USP15: variants seen among roughly 807,000 people sequenced by gnomAD.
The protein encoded by USP15 is ubiquitin specific peptidase 15, also known as ubiquitin carboxyl-terminal hydrolase 15.
A neutral mutation model predicts 127.1 loss-of-function variants in USP15; 18 were observed. The observed-to-expected ratio is 0.14, with a 90% CI of 0.10 to 0.21. The LOEUF (loss-of-function observed/expected upper bound fraction) is 0.21, where lower values mean the gene tolerates loss of function less well. USP15 is among the 10% of genes least tolerant of loss of function. USP15 has a pLI of 1.00. For synonymous variants in USP15, 364 were observed against 393.7 expected (o/e 0.92, Z 0.89); for missense variants, 805 against 1,159.9 (o/e 0.69, Z 4.44).
At position 62,409,016 on chromosome 12, in the gene USP15, GAAAAT is replaced by G. The variant is rs1207762489; in HGVS notation, c.*4648_*4652del. 9.9e-5 allele frequency: 15 copies of G among 151,982 alleles called. No individual in the cohort carries two copies. Among genetic ancestry groups the G allele is most frequent in the African/African-American group, 3.1e-4 (13 of 41,406 alleles). 9.4% of individuals were successfully genotyped at this position (151,982 alleles called of 1,614,324 possible). The stretch of plus-strand genomic sequence containing the variant: ...ATAGGCTTTAAAATATCAGAATTAG[GAAAAT>G]AAAATATAGATGGTAAAAATTCAAA... On this transcript the variant is annotated 3_prime_UTR_variant, in exon 22 of 22. Coordinates refer to ENST00000280377, the MANE Select transcript of USP15 (RefSeq NM_001252078.2).
chr12:62,276,593 A>AT (rs2063497174), intron 1 of USP15, among the ~76,000 whole-genome samples: 1 of 151,846 alleles, frequency 6.6e-6, no homozygotes, highest in South Asian at 2.1e-4. Context: ...AACACTCATT[A>AT]TTTTTCTGGC....
At chr12:62,289,738 T>TGC (rs199809868) in intron 1 of USP15, among the ~76,000 whole-genome samples, 3 of 151,128 alleles carry the variant, frequency 2.0e-5, no homozygotes, top group South Asian at 4.2e-4. Context: ...TGTGTGTGTG[T>TGC]TTAGACAGCA....
rs367800874 is a variant in USP15, at chr12:62,272,198, G to T, written c.89+11695G>T. On this transcript the variant is annotated intron_variant, in intron 1 of 21. Transcript: ENST00000280377. ...TGTTAAATAAGAGAATTAGTCATAA[G>T]AGTGAATTAGTATCCAGAATTGTTT... Among the ~76,000 whole-genome samples, 3 of 151,864 alleles carry T rather than the reference G, an allele frequency of 2.0e-5. No individual in the cohort carries two copies. The East Asian group carries it at 5.8e-4, about 29-fold the overall frequency.
chr12:62,345,507 C>T (rs1211412979), intron 6 of USP15, among the ~76,000 whole-genome samples: 2 of 152,120 alleles, frequency 1.3e-5, no homozygotes, highest in Non-Finnish European at 2.9e-5. Flanking sequence ...CCAGGAAGTT[C>T]CAAACTTTCC....
intron 2 of USP15, 50 bp downstream of exon 2, chr12:62,294,356 A>G: frequency 1.3e-6 from 2 of 1,572,116 alleles, no homozygotes; most frequent in South Asian, 2.5e-5. Context: ...AAATTTCATT[A>G]TATAAATGTC....
chr12:62,345,504 G>C (rs568172455), intron 6 of USP15, among the ~76,000 whole-genome samples: 43 of 152,276 alleles, frequency 2.8e-4, no homozygotes, highest in African/African-American at 9.9e-4. Context: ...TCTCCAGGAA[G>C]TTCCAAACTT....
At chr12:62,374,696 C>A (rs1275268978) in intron 8 of USP15, among the ~76,000 whole-genome samples, 1 of 151,970 alleles carries the variant, frequency 6.6e-6, no homozygotes. Context: ...TAGCAAAATA[C>A]AAAATTGAGA....
chr12:62,310,528 C>T (rs1165961353), intron 3 of USP15, among the ~76,000 whole-genome samples: 3 of 151,796 alleles, frequency 2.0e-5, no homozygotes, highest in South Asian at 4.1e-4. Context: ...TAACGACCTC[C>T]GGCTTCATCC....
intron 1 of USP15, among the ~76,000 whole-genome samples, chr12:62,275,337 A>G (rs1287633951): frequency 2.0e-5 from 3 of 151,964 alleles, no homozygotes; most frequent in Non-Finnish European, 4.4e-5. Flanking sequence ...GAGCAGGGCT[A>G]TGTAATACAT....
rs781782214 is a variant in USP15, at chr12:62,260,468, G to A, written c.54G>A (p.Thr18=). Residue 18 remains threonine, a synonymous_variant, in exon 1 of 22, where the codon ACG becomes ACA. Coordinates refer to ENST00000280377, the MANE Select transcript of USP15 (RefSeq NM_001252078.2). The part of the protein sequence containing the change: ...DLDTQRSDIA[T]LLKTSLRKGD... ...ACACCCAGCGGTCTGACATCGCGAC[G>A]CTGCTCAAAACCTCGCTCCGGAAAG... 7 of 1,552,092 alleles carry A rather than the reference G, an allele frequency of 4.5e-6. No individual in the cohort carries two copies. The South Asian group carries it at 8.3e-5, about 18-fold the overall frequency.
At chr12:62,269,322 G>A (rs2063282707) in intron 1 of USP15, among the ~76,000 whole-genome samples, 2 of 151,702 alleles carry the variant, frequency 1.3e-5, no homozygotes, top group Admixed American at 6.6e-5. Flanking sequence ...ACAATGGTAA[G>A]TATATATATA....
intron 1 of USP15, among the ~76,000 whole-genome samples, chr12:62,275,221 A>C (rs746572721): frequency 6.6e-6 from 1 of 152,094 alleles, no homozygotes; most frequent in Non-Finnish European, 1.5e-5. Flanking sequence ...GACTAATAGG[A>C]ATTGGAAATA....
At chr12:62,344,121 C>T (rs1022311163) in intron 6 of USP15, among the ~76,000 whole-genome samples, 2 of 152,168 alleles carry the variant, frequency 1.3e-5, no homozygotes, top group Non-Finnish European at 2.9e-5. Flanking sequence ...AGTCTCAACT[C>T]ATTTCAGCAT....
intron 11 of USP15, among the ~76,000 whole-genome samples, chr12:62,387,010 C>T (rs2067170106): frequency 6.6e-6 from 1 of 152,128 alleles, no homozygotes; most frequent in African/African-American, 2.4e-5. Flanking sequence ...GACAGCAGTG[C>T]TGTTTTAGTG....
chr12:62,283,160 G>C (rs1370190926), intron 1 of USP15, among the ~76,000 whole-genome samples: 5 of 152,180 alleles, frequency 3.3e-5, no homozygotes, highest in Admixed American at 3.3e-4. Context: ...TTAAGGGGCA[G>C]ATAACCCGTT....
rs935702843 is a variant in USP15 at position 62,409,773 on chromosome 12, C to T, written c.*5398C>T. On this transcript the variant is annotated 3_prime_UTR_variant, in exon 22 of 22. Transcript: ENST00000280377. ...ACATTATTCTCAGTAATGACACATACTTAACATTTCCCAAGCTGTTGTTTT... is the reference window on the plus strand; with the variant it reads ...ACATTATTCTCAGTAATGACACATATTTAACATTTCCCAAGCTGTTGTTTT... 6.6e-6 allele frequency: 1 copy of T among 152,154 alleles called. No homozygotes were observed. Among genetic ancestry groups the T allele is most frequent in the East Asian group, 1.9e-4 (1 of 5,196 alleles). The allele number at this position is 152,154 out of a possible 1,614,324, so 9.4% of individuals were successfully genotyped here.
At chr12:62,296,591 G>T (rs1255241870) in intron 2 of USP15, among the ~76,000 whole-genome samples, 1 of 152,108 alleles carries the variant, frequency 6.6e-6, no homozygotes, top group East Asian at 1.9e-4. Context: ...GATGTCAGCA[G>T]GATGATAGAA....
At chr12:62,376,524 T>C (rs2066833509) in intron 8 of USP15, among the ~76,000 whole-genome samples, 1 of 152,210 alleles carries the variant, frequency 6.6e-6, no homozygotes, top group African/African-American at 2.4e-5. Context: ...TTTTGGCATT[T>C]GTTAATGTCA....
chr12:62,343,995 A>C (rs1244244175), intron 6 of USP15, among the ~76,000 whole-genome samples: 2 of 152,140 alleles, frequency 1.3e-5, no homozygotes, highest in East Asian at 3.9e-4. Context: ...CAGGAGCTAC[A>C]AGATGAGATT....
Sources: allele counts gnomAD v4.1 joint callset (sites outside exome capture counted in the v4.1 genomes callset), GRCh38; gene constraint gnomAD v4.1.1; transcripts MANE v1.5; gene names NCBI Gene and HGNC (gene_info 2026-07-23, HGNC 2026-07-21).